Variants in ANO5 observed in about 807,000 individuals in gnomAD.
ANO5 encodes anoctamin 5.
A neutral mutation model predicts 121.0 loss-of-function variants in ANO5; 109 were observed. The ratio of observed to expected loss-of-function variants is 0.90; its 90% CI spans 0.77 to 1.06. The LOEUF is 1.06. Ranked by LOEUF, ANO5 falls within the 50% of genes least tolerant of loss-of-function variation. The pLI, the probability that ANO5 is intolerant of heterozygous loss-of-function variation, is 0.00. For synonymous variants in ANO5, 406 were observed against 359.9 expected (o/e 1.13, Z -1.45); for missense variants, 1,064 against 1,078.5 (o/e 0.99, Z 0.19).
At chr11:22,269,166 T>G (rs1413019436) in intron 17 of ANO5, among the ~76,000 whole-genome samples, 39 of 102,354 alleles carry the variant, frequency 3.8e-4, no homozygotes, top group East Asian at 1.8e-3. Flanking sequence ...AGGGAAGGGA[T>G]GGGAAGGGAA....
intron 9 of ANO5, 55 bp from the exon 10 acceptor site, chr11:22,250,182 C>A: frequency 6.7e-7 from 1 of 1,482,828 alleles, no homozygotes; most frequent in Non-Finnish European, 9.3e-7. Context: ...AAAATCAAGG[C>A]TCCAGACTAT....
chr11:22,228,637 T>G (rs1026814571), intron 7 of ANO5, among the ~76,000 whole-genome samples: 1 of 151,940 alleles, frequency 6.6e-6, no homozygotes, highest in Admixed American at 6.6e-5. Flanking sequence ...CTCCCCATTC[T>G]TTCCTCCCCC....
intron 1 of ANO5, among the ~76,000 whole-genome samples, chr11:22,201,340 A>T (rs1851957889): frequency 6.6e-6 from 1 of 152,204 alleles, no homozygotes; most frequent in Admixed American, 6.5e-5. Flanking sequence ...GGATAAAAAG[A>T]TAGTAATTAA....
At chr11:22,244,577 CTTT>C (rs34123612) in intron 9 of ANO5, among the ~76,000 whole-genome samples, 1 of 131,120 alleles carries the variant, frequency 7.6e-6, no homozygotes, top group Non-Finnish European at 1.7e-5. Flanking sequence ...AGGTTTTGTT[CTTT>C]TTTTTTTTTT....
chr11:22,266,590 C>A (rs1439750537), intron 17 of ANO5, among the ~76,000 whole-genome samples: 1 of 152,052 alleles, frequency 6.6e-6, no homozygotes, highest in Non-Finnish European at 1.5e-5. Flanking sequence ...TGTTGTTTAA[C>A]CATTTTCCTA....
chr11:22,277,398 G>T (rs902238805), intron 21 of ANO5, among the ~76,000 whole-genome samples: 14 of 151,386 alleles, frequency 9.2e-5, no homozygotes, highest in Non-Finnish European at 1.8e-4. Flanking sequence ...ATATTTAAGT[G>T]TTTGATACAG....
intron 7 of ANO5, among the ~76,000 whole-genome samples, chr11:22,233,525 T>A: frequency 6.6e-6 from 1 of 152,052 alleles, no homozygotes. Context: ...AATCTAACCA[T>A]GTCAATGCAG....
chr11:22,239,492 T>C, intron 8 of ANO5, 77 bp from the exon 9 acceptor site: 1 of 996,340 alleles, frequency 1.0e-6, no homozygotes, highest in Non-Finnish European at 1.6e-6. Context: ...CTAACATTCT[T>C]AGAACAGCAG....
At chr11:22,212,371 G>A (rs960294043) in intron 3 of ANO5, among the ~76,000 whole-genome samples, 1 of 151,756 alleles carries the variant, frequency 6.6e-6, no homozygotes, top group Non-Finnish European at 1.5e-5. Context: ...TAGCATTTTT[G>A]TTTGGTTTAT....
At chr11:22,268,274 CTT>C (rs147615939) in intron 17 of ANO5, among the ~76,000 whole-genome samples, 4 of 147,544 alleles carry the variant, frequency 2.7e-5, no homozygotes, top group African/African-American at 9.8e-5. Context: ...AAACAGTTGA[CTT>C]TTTTTTTTAA....
At chr11:22,226,384 G>T (rs1852833986) in intron 6 of ANO5, among the ~76,000 whole-genome samples, 1 of 152,190 alleles carries the variant, frequency 6.6e-6, no homozygotes, top group East Asian at 1.9e-4. Flanking sequence ...CTGTCTTGCA[G>T]CATAACCTGC....
intron 6 of ANO5, among the ~76,000 whole-genome samples, chr11:22,226,950 T>C (rs575156002): frequency 6.8e-4 from 103 of 152,224 alleles, no homozygotes; most frequent in Non-Finnish European, 1.3e-3. Context: ...AGCTAGTTAC[T>C]AAAAACTTAA....
chr11:22,250,175 A>G, intron 9 of ANO5, 62 bp from the exon 10 acceptor site: 1 of 1,467,126 alleles, frequency 6.8e-7, no homozygotes, highest in Non-Finnish European at 9.4e-7. Context: ...TGAATACAAA[A>G]TCAAGGCTCC....
chr11:22,232,630 T>C (rs1469969104), intron 7 of ANO5, among the ~76,000 whole-genome samples: 3 of 152,012 alleles, frequency 2.0e-5, no homozygotes, highest in African/African-American at 7.2e-5. Flanking sequence ...ATTTTACTTT[T>C]TACATTGACA....
intron 6 of ANO5, 124 bp downstream of exon 6, chr11:22,226,176 T>G (rs1002442178): frequency 2.6e-6 from 2 of 766,170 alleles, no homozygotes; most frequent in Non-Finnish European, 4.5e-6. Flanking sequence ...GCTACAGATA[T>G]GTGCACCGGG....
chr11:22,278,387 G>A (rs919496075), intron 21 of ANO5, among the ~76,000 whole-genome samples: 1 of 151,508 alleles, frequency 6.6e-6, no homozygotes, highest in African/African-American at 2.4e-5. Flanking sequence ...TCTTTGTGCT[G>A]TCTCTCTGGA....
chr11:22,253,839 T>C (rs1320331392), intron 12 of ANO5, among the ~76,000 whole-genome samples: 1 of 152,094 alleles, frequency 6.6e-6, no homozygotes, highest in African/African-American at 2.4e-5. Flanking sequence ...TTATATGAGG[T>C]ATCTAAAATA....
At chr11:22,252,540 A>G (rs1213984613) in intron 12 of ANO5, among the ~76,000 whole-genome samples, 3 of 152,200 alleles carry the variant, frequency 2.0e-5, no homozygotes, top group Admixed American at 1.3e-4. Flanking sequence ...TGTTTGAAGT[A>G]TTTAAATTTT....
In ANO5 at chr11:22,255,038, A is replaced by C. The variant is rs536636685; in HGVS notation, c.1181-333A>C. Among the ~76,000 whole-genome samples the C allele has an allele frequency of 1.3e-4, 20 of 151,440 alleles. 1 individual carries two copies. The Middle Eastern group carries it at 0.01, about 78-fold the overall frequency. ...TCAATAAAAGATAAAAGATACATGCAAAAAAAAATATTTCAGTGTTAATAA... is the reference window on the plus strand; with the variant it reads ...TCAATAAAAGATAAAAGATACATGCCAAAAAAAATATTTCAGTGTTAATAA... On this transcript the variant is annotated intron_variant, in intron 12 of 21. Coordinates refer to ENST00000324559, the MANE Select transcript of ANO5 (RefSeq NM_213599.3).
Sources: gnomAD v4.1 joint callset for allele counts (sites outside exome capture counted in the v4.1 genomes callset) on GRCh38, gnomAD v4.1.1 for gene constraint, MANE v1.5 for transcripts, NCBI Gene and HGNC (gene_info 2026-07-23, HGNC 2026-07-21) for gene names.